The following DNAJC1 variants were observed in gnomAD, a reference collection of about 807,000 sequenced individuals.
The protein encoded by DNAJC1 is dnaJ homolog subfamily C member 1.
DNAJC1 carries 58 observed loss-of-function variants against 76.6 expected under a neutral mutation model. The observed-to-expected ratio is 0.76, with a 90% CI of 0.61 to 0.94. The LOEUF is 0.94. Among genes scored for constraint, DNAJC1 ranks in the 40% least tolerant of loss-of-function variants. The pLI, the probability that DNAJC1 is intolerant of heterozygous loss-of-function variation, is 0.00. For synonymous variants in DNAJC1, 258 were observed against 267.9 expected, an observed-to-expected ratio of 0.96 and a Z score of 0.36; for missense variants, 689 against 677.3, an observed-to-expected ratio of 1.02 and a Z score of -0.19.
intron 9 of DNAJC1, among the ~76,000 whole-genome samples, chr10:21,804,443 AT>A (rs1834857666): frequency 6.6e-6 from 1 of 152,020 alleles, no homozygotes; most frequent in Non-Finnish European, 1.5e-5. Context: ...CAGCTATGTA[AT>A]TAGTAGGTCA....
chr10:21,882,507 T>C (rs965355874), intron 7 of DNAJC1, 68 bp from the exon 8 acceptor site: 5 of 1,040,208 alleles, frequency 4.8e-6, no homozygotes, highest in Non-Finnish European at 6.6e-6. Flanking sequence ...TAACATTTTA[T>C]TCATAGACCA....
chr10:21,954,488 C>T (rs1428970002), intron 1 of DNAJC1, among the ~76,000 whole-genome samples: 1 of 152,112 alleles, frequency 6.6e-6, no homozygotes, highest in East Asian at 1.9e-4. Flanking sequence ...GGCTACTGCT[C>T]TACAAAGAGG....
At chr10:21,855,800 G>A (rs1338583526) in intron 8 of DNAJC1, among the ~76,000 whole-genome samples, 1 of 123,574 alleles carries the variant, frequency 8.1e-6, no homozygotes, top group South Asian at 2.8e-4. Flanking sequence ...CCGCCACCCT[G>A]CCCGCCTTTT....
At chr10:21,990,843 G>C (rs1469545446) in intron 1 of DNAJC1, among the ~76,000 whole-genome samples, 2 of 152,204 alleles carry the variant, frequency 1.3e-5, no homozygotes, top group East Asian at 3.8e-4. Flanking sequence ...CTAAGTATGT[G>C]TAAGAACTGT....
At chr10:21,920,705 G>C (rs908484120) in intron 4 of DNAJC1, 93 bp downstream of exon 4, 41 of 1,259,164 alleles carry the variant, frequency 3.3e-5, no homozygotes, top group Admixed American at 1.1e-4. Context: ...TATACAGAGA[G>C]AAACAGAAAT....
At position 21,934,837 on chromosome 10, in the gene DNAJC1, T is replaced by C. The variant is rs370032309; in HGVS notation, c.223-5696A>G. On this transcript the variant is annotated intron_variant, in intron 1 of 11. Transcript: ENST00000376980. ...TGTCATTAAGCAATGCATGACTATA[T>C]ACTTCTGGCTCCAACTGTTAAGAAA... 3.8e-4 allele frequency among the ~76,000 whole-genome samples: 58 copies of C among 152,300 alleles called. No individual in the cohort carries two copies. In the East Asian group the frequency reaches 4.4e-3, roughly 12 times the overall value.
intron 8 of DNAJC1, among the ~76,000 whole-genome samples, chr10:21,839,143 A>C (rs1835525658): frequency 6.6e-6 from 1 of 152,242 alleles, no homozygotes; most frequent in Admixed American, 6.5e-5. Context: ...CCACAAGAGA[A>C]AGCAGGAAAG....
chr10:21,808,567 T>C (rs572142729), intron 8 of DNAJC1, among the ~76,000 whole-genome samples: 7 of 152,264 alleles, frequency 4.6e-5, no homozygotes, highest in Admixed American at 4.6e-4. Context: ...AATGCATTAT[T>C]CTCCCTCCTA....
At chr10:21,778,783 G>A (rs904333208) in intron 9 of DNAJC1, among the ~76,000 whole-genome samples, 12 of 152,204 alleles carry the variant, frequency 7.9e-5, no homozygotes, top group East Asian at 1.9e-4. Context: ...AGCGTGAGCC[G>A]AAGCAGGGCG....
intron 6 of DNAJC1, among the ~76,000 whole-genome samples, chr10:21,905,111 C>T (rs1246070658): frequency 6.6e-6 from 1 of 151,962 alleles, no homozygotes; most frequent in Non-Finnish European, 1.5e-5. Context: ...CCTTTTACCA[C>T]CCTTAGAGAC....
chr10:21,817,189 A>G (rs1234939049), intron 8 of DNAJC1, among the ~76,000 whole-genome samples: 2 of 147,736 alleles, frequency 1.4e-5, no homozygotes, highest in African/African-American at 5.0e-5. Flanking sequence ...AAAAATCAAT[A>G]GACTATGTGT....
Position 21,971,041 on chromosome 10 carries a change from T to C in DNAJC1, c.222+32172A>G, listed in dbSNP as rs190861134. Among the ~76,000 whole-genome samples the C allele has an allele frequency of 1.9e-3, 282 of 152,022 alleles. 2 individuals are homozygous for C. The highest frequency in any genetic ancestry group is 6.8e-3 in the Middle Eastern group (2 of 292). On this transcript the variant is annotated intron_variant, in intron 1 of 11. Transcript: ENST00000376980. ...TAATACATCAATCACCTTACATAAGTATCTTTTAACATTTTTTTTTGGTTT... is the reference window on the plus strand; with the variant it reads ...TAATACATCAATCACCTTACATAAGCATCTTTTAACATTTTTTTTTGGTTT...
At chr10:21,805,845 G>T in intron 9 of DNAJC1, 135 bp downstream of exon 9, 4 of 1,100,536 alleles carry the variant, frequency 3.6e-6, no homozygotes, top group Non-Finnish European at 5.2e-6. Flanking sequence ...TGCATTAATG[G>T]TTCACTTTCA....
chr10:21,882,483 A>T, intron 7 of DNAJC1, 44 bp from the exon 8 acceptor site: 3 of 1,256,254 alleles, frequency 2.4e-6, no homozygotes, highest in African/African-American at 1.6e-5. Flanking sequence ...TTTTTAAAGA[A>T]TAAAATTAAT....
chr10:21,800,232 A>G (rs1011317534), intron 9 of DNAJC1, among the ~76,000 whole-genome samples: 4 of 152,226 alleles, frequency 2.6e-5, no homozygotes, highest in South Asian at 4.1e-4. Context: ...GATCAATACT[A>G]TAACACTTTT....
chr10:21,978,178 A>G (rs1564843342), intron 1 of DNAJC1, among the ~76,000 whole-genome samples: 1 of 152,292 alleles, frequency 6.6e-6, no homozygotes, highest in East Asian at 1.9e-4. Context: ...AGGTAATACA[A>G]TATTCAAAAA....
intron 1 of DNAJC1, among the ~76,000 whole-genome samples, chr10:21,955,424 AT>A (rs1266751513): frequency 6.6e-6 from 1 of 152,174 alleles, no homozygotes; most frequent in Non-Finnish European, 1.5e-5. Context: ...TTTCATCAAA[AT>A]TTTTTAAAGT....
chr10:21,823,147 T>C (rs1835188304), intron 8 of DNAJC1, among the ~76,000 whole-genome samples: 1 of 152,120 alleles, frequency 6.6e-6, no homozygotes, highest in African/African-American at 2.4e-5. Context: ...CAAAGAGACT[T>C]GAACTGAAGT....
intron 8 of DNAJC1, among the ~76,000 whole-genome samples, chr10:21,862,051 T>G (rs923344049): frequency 6.6e-6 from 1 of 151,956 alleles, no homozygotes; most frequent in East Asian, 1.9e-4. Context: ...CCCGAGTAGC[T>G]AGGATTACAG....
Sources: gnomAD v4.1 joint callset for allele counts (sites outside exome capture counted in the v4.1 genomes callset) on GRCh38, gnomAD v4.1.1 for gene constraint, MANE v1.5 for transcripts, NCBI Gene and HGNC (gene_info 2026-07-23, HGNC 2026-07-21) for gene names.